PSTK: variants seen among roughly 807,000 people sequenced by gnomAD.
The protein encoded by PSTK is L-seryl-tRNA(Sec) kinase.
Under a neutral mutation model 38.6 loss-of-function variants are expected in PSTK, and 26 were observed. That is an observed-to-expected ratio of 0.67 (90% CI 0.49 to 0.94). PSTK has a LOEUF of 0.94. Ranked by LOEUF, PSTK falls within the 40% of genes least tolerant of loss-of-function variation. PSTK has a pLI of 0.00. For missense variants in PSTK, 445 were observed against 436.3 expected, an observed-to-expected ratio of 1.02 and a Z score of -0.18; for synonymous variants, 181 against 161.7, an observed-to-expected ratio of 1.12 and a Z score of -0.91.
At position 122,990,170 on chromosome 10, in the gene PSTK, T is replaced by A. The variant is rs1255471225; in HGVS notation, c.878-4T>A. On this transcript the variant is annotated splice_polypyrimidine_tract_variant and splice_region_variant and intron_variant, in intron 5 of 5. Coordinates refer to ENST00000406217, the MANE Select transcript of PSTK (RefSeq NM_001363531.2). ...AGTAATTTGAGAATATCTTTTTATT[T>A]TAGATGAACAAGTGCTTCCTCACAA... 18 of 1,510,588 alleles carry A rather than the reference T, an allele frequency of 1.2e-5. No individual in the cohort carries two copies. Among genetic ancestry groups the A allele is most frequent in the South Asian group, 3.9e-5 (3 of 76,238 alleles). 93.6% of individuals were successfully genotyped at this position (1,510,588 alleles called of 1,614,324 possible).
In PSTK at chr10:122,980,444, C is replaced by T. The variant is rs373580643; in HGVS notation, c.-36C>T. Reference sequence around the variant, plus strand: ...CGCAGGGCAGACGGTAGAGCGGAGACGACGCTCCCAGACTCCTCCGGTCTC... The same window carrying T: ...CGCAGGGCAGACGGTAGAGCGGAGATGACGCTCCCAGACTCCTCCGGTCTC... On this transcript the variant is annotated 5_prime_UTR_variant, in exon 1 of 6. The change creates a new upstream start codon in the 5' untranslated region. Transcript: ENST00000406217. This position sits in a 1 kb window ranked among gnomAD's most constrained non-coding sequence, Gnocchi z 4.3. 7.4e-5 allele frequency: 114 copies of T among 1,539,168 alleles called. No individual in the cohort carries two copies. In the African/African-American group the frequency reaches 1.0e-3, roughly 14 times the overall value.
chr10:122,982,051 C>T (rs1461062381), intron 1 of PSTK: 6 of 152,244 alleles, frequency 3.9e-5, no homozygotes, highest in Non-Finnish European at 7.3e-5. Context: ...GGATTCTCCA[C>T]AGCCCTTGAC....
At chr10:122,981,475 A>G (rs1019023338) in intron 1 of PSTK, among the ~76,000 whole-genome samples, 7 of 152,238 alleles carry the variant, frequency 4.6e-5, no homozygotes, top group Admixed American at 2.0e-4. Context: ...AGAGTAGATT[A>G]CATTCGTGTT....
chr10:122,987,377 G>T lies in PSTK; in HGVS notation c.877+415G>T, dbSNP rs142068944. On this transcript the variant is annotated intron_variant, in intron 5 of 5. Transcript: ENST00000406217. Reference sequence around the variant, plus strand: ...CAGAGATGACATTTAAGCAAAGATGGGTAAGAGCGAACCATGCAGCTATCT... The same window carrying T: ...CAGAGATGACATTTAAGCAAAGATGTGTAAGAGCGAACCATGCAGCTATCT... The T allele has an allele frequency of 2.6e-4, 423 of 1,614,140 alleles. 1 individual carries two copies. Among genetic ancestry groups the T allele is most frequent in the Non-Finnish European group, 3.5e-4 (409 of 1,180,026 alleles).
In PSTK at chr10:122,986,747, T is replaced by C. The variant is rs185346222; in HGVS notation, c.784-122T>C. On this transcript the variant is annotated intron_variant, in intron 4 of 5. Transcript: ENST00000406217. ...GGTTGGACTCTCTTGTAGGGAAGAATAACAAACAGAAAAGCCGCTTAAACT... is the reference window on the plus strand; with the variant it reads ...GGTTGGACTCTCTTGTAGGGAAGAACAACAAACAGAAAAGCCGCTTAAACT... The C allele has an allele frequency of 4.7e-4, 307 of 653,302 alleles. 5 individuals are homozygous for C. In the East Asian group the frequency reaches 7.0e-3, roughly 15 times the overall value. 40.5% of individuals were successfully genotyped at this position (653,302 alleles called of 1,614,324 possible).
chr10:122,982,796 G>T lies in PSTK; in HGVS notation c.280G>T (p.Val94Phe), dbSNP rs147919844. 1.1e-4 allele frequency: 181 copies of T among 1,614,182 alleles called. No homozygotes were observed. In the East Asian group the frequency reaches 3.0e-3, roughly 27 times the overall value. Residue 94 changes from valine (V) to phenylalanine (F), a missense_variant, in exon 2 of 6, where the codon GTC becomes TTC. Coordinates refer to ENST00000406217, the MANE Select transcript of PSTK (RefSeq NM_001363531.2). ...LKYLEYFLMA[V>F]INGCQMSVPP... Reference sequence around the variant, plus strand: ...GTACCTGGAATACTTCTTGATGGCTGTCATTAATGGGTGTCAGATGTCTGT... The same window carrying T: ...GTACCTGGAATACTTCTTGATGGCTTTCATTAATGGGTGTCAGATGTCTGT...
intron 3 of PSTK, chr10:122,985,598 A>G (rs368113974): frequency 6.6e-6 from 1 of 152,222 alleles, no homozygotes; most frequent in Non-Finnish European, 1.5e-5. Flanking sequence ...TTGCTCATCC[A>G]TATCCAGTAA....
intron 5 of PSTK, chr10:122,987,332 AG>A: frequency 6.2e-7 from 1 of 1,612,542 alleles, no homozygotes; most frequent in South Asian, 1.1e-5. Flanking sequence ...ATTTTTAAAA[AG>A]GTAATCAGGA....
Position 122,982,975 on chromosome 10 carries a change from T to G in PSTK, c.459T>G (p.Asn153Lys), listed in dbSNP as rs770204671. Residue 153 changes from asparagine to lysine, a missense_variant, in exon 2 of 6, where the codon AAT becomes AAG. Transcript: ENST00000406217. ...SRPLFLVLDDNFYYQSMRYEV... is the reference protein window; with the variant it reads ...SRPLFLVLDDKFYYQSMRYEV... ...CTTTGTTTTTGGTTTTGGATGACAA[T>G]TTTTATTATCAGAGTATGAGATATG... 5.6e-6 allele frequency: 9 copies of G among 1,614,162 alleles called. No homozygotes were observed. In the South Asian group the frequency reaches 9.9e-5, roughly 18 times the overall value.
At position 122,982,916 on chromosome 10, in the gene PSTK, T is replaced by G. The variant is rs34489330; in HGVS notation, c.400T>G (p.Cys134Gly). Residue 134 changes from cysteine (C) to glycine (G), a missense_variant, in exon 2 of 6, where the codon TGC becomes GGC. By Grantham distance (159) the Cys-to-Gly change is radical (BLOSUM62 -3). Coordinates refer to ENST00000406217, the MANE Select transcript of PSTK (RefSeq NM_001363531.2). ...IFSAAFEAQS[C>G]YLLTKTAVSR... is the part of the protein sequence containing the mutation. ...TTCTGCAGCATTTGAGGCCCAGTCT[T>G]GCTACCTCTTAACAAAAACTGCTGT... 6.2e-7 allele frequency: 1 copy of G among 1,614,240 alleles called. No individual in the cohort carries two copies. Among genetic ancestry groups the G allele is most frequent in the East Asian group, 2.2e-5 (1 of 44,892 alleles).
At chr10:122,986,265 A>T in intron 3 of PSTK, 35 bp from the exon 4 acceptor site, 1 of 1,338,160 alleles carries the variant, frequency 7.5e-7, no homozygotes, top group Non-Finnish European at 1.0e-6. Flanking sequence ...GTTGGATATA[A>T]GGATCTATTG....
At chr10:122,989,318 C>T (rs1849086268) in intron 5 of PSTK, among the ~76,000 whole-genome samples, 1 of 152,094 alleles carries the variant, frequency 6.6e-6, no homozygotes, top group Admixed American at 6.5e-5. Context: ...ATGGCACGAT[C>T]TTGGCTCACT....
Position 122,983,425 on chromosome 10 carries a change from A to G in PSTK, c.662A>G (p.His221Arg). ...AACCCTGAGAAAAATGCTTGGGAAC[A>G]CAACAGCCTCACAATTCCGAGTCCA... is the stretch of plus-strand genomic sequence containing the variant. ...KPNPEKNAWE[H>R]NSLTIPSPAC... Residue 221 changes from histidine to arginine, a missense_variant, in exon 3 of 6, where the codon CAC (histidine) becomes CGC (arginine). By Grantham distance (29) the His-to-Arg change is conservative. Coordinates refer to ENST00000406217, the MANE Select transcript of PSTK (RefSeq NM_001363531.2). 6.2e-7 allele frequency: 1 copy of G among 1,614,012 alleles called. No homozygotes were observed. The highest frequency in any genetic ancestry group is 1.1e-5 in the South Asian group (1 of 91,086).
In PSTK at chr10:122,980,720, GGC is replaced by G; in HGVS notation, c.216+26_216+27del. The G allele has an allele frequency of 9.1e-7, 1 of 1,101,962 alleles. No homozygotes were observed. Among genetic ancestry groups the G allele is most frequent in the Non-Finnish European group, 1.2e-6 (1 of 820,154 alleles). 68.3% of individuals were successfully genotyped at this position (1,101,962 alleles called of 1,614,324 possible). On this transcript the variant is annotated intron_variant, in intron 1 of 5. Transcript: ENST00000406217. This position sits in a 1 kb window ranked among gnomAD's most constrained non-coding sequence, Gnocchi z 4.3. Reference sequence around the variant, plus strand: ...GGTCAGCACGGAGGGGCGGGGCCTGGGCCGCGGGGCGGGGCGGGGCGGGGCGG... The same window carrying G: ...GGTCAGCACGGAGGGGCGGGGCCTGGCGCGGGGCGGGGCGGGGCGGGGCGG...
Position 122,980,698 on chromosome 10 carries a change from C to G in PSTK, c.216+3C>G. On this transcript the variant is annotated splice_donor_region_variant and intron_variant, in intron 1 of 5. Coordinates refer to ENST00000406217, the MANE Select transcript of PSTK (RefSeq NM_001363531.2). This position sits in a 1 kb window ranked among gnomAD's most constrained non-coding sequence, Gnocchi z 4.3. ...CCGGGGCAAGAGCGCGACCGGCGGT[C>G]AGCACGGAGGGGCGGGGCCTGGGCC... 2.1e-6 allele frequency: 3 copies of G among 1,402,038 alleles called. No homozygotes were observed. The African/African-American group carries it at 5.2e-5, about 25-fold the overall frequency. The allele number at this position is 1,402,038 out of a possible 1,614,324, so 86.8% of individuals were successfully genotyped here. A position where few individuals can be genotyped will look rare whatever the true frequency, so the allele number is the denominator to read the frequency against.
rs192712042 is a variant in PSTK, at chr10:122,983,916, C to T, written c.707+446C>T. On this transcript the variant is annotated intron_variant, in intron 3 of 5. Transcript: ENST00000406217. ...GCTGTCTAATGCATTTCATTCATTA[C>T]GTATGTCTTGAGAGTTCTAGAGCAG... is the stretch of plus-strand genomic sequence containing the variant. The T allele has an allele frequency of 1.9e-3, 306 of 158,446 alleles. 1 individual carries two copies. The highest frequency in any genetic ancestry group is 2.9e-3 in the Non-Finnish European group (208 of 71,668). The allele number at this position is 158,446 out of a possible 1,614,324, so 9.8% of individuals were successfully genotyped here. A position where few individuals can be genotyped will look rare whatever the true frequency, so the allele number is the denominator to read the frequency against.
intron 3 of PSTK, chr10:122,983,823 T>TG: frequency 4.2e-6 from 1 of 235,328 alleles, no homozygotes; most frequent in Non-Finnish European, 8.5e-6. Flanking sequence ...CAACAGGTAC[T>TG]GGGTCCTATT....
chr10:122,986,474 C>A, intron 4 of PSTK, 99 bp downstream of exon 4: 1 of 865,882 alleles, frequency 1.2e-6, no homozygotes, highest in Non-Finnish European at 1.9e-6. Context: ...ACGGGAGATG[C>A]GTTGTCATTG....
chr10:122,988,370 TACAG>T (rs1272916213), intron 5 of PSTK, among the ~76,000 whole-genome samples: 1 of 151,890 alleles, frequency 6.6e-6, no homozygotes, highest in Admixed American at 6.6e-5. Context: ...TTTAAAAACA[TACAG>T]ATAGAGAGAG....
Sources: gnomAD v4.1 joint callset for allele counts (sites outside exome capture counted in the v4.1 genomes callset) on GRCh38, gnomAD v4.1.1 for gene constraint, Gnocchi (gnomAD v3.1) non-coding constraint, MANE v1.5 for transcripts, NCBI Gene and HGNC (gene_info 2026-07-23, HGNC 2026-07-21) for gene names.